Variants in SYK observed in about 807,000 individuals in gnomAD.
SYK encodes the protein spleen associated tyrosine kinase.
SYK carries 16 observed loss-of-function variants against 77.8 expected under a neutral mutation model. The ratio of observed to expected loss-of-function variants is 0.21; its 90% CI spans 0.14 to 0.31. The LOEUF (loss-of-function observed/expected upper bound fraction) is 0.31. SYK is among the 10% of genes least tolerant of loss of function. The pLI, the probability that SYK is intolerant of heterozygous loss-of-function variation, is 1.00. For missense variants in SYK, 529 were observed against 814.4 expected, an observed-to-expected ratio of 0.65 and a Z score of 4.26; for synonymous variants, 312 against 308.7, an observed-to-expected ratio of 1.01 and a Z score of -0.11.
intron 3 of SYK, among the ~76,000 whole-genome samples, chr9:90,853,794 C>T (rs1826910444): frequency 6.6e-6 from 1 of 151,882 alleles, no homozygotes; most frequent in Admixed American, 6.6e-5. Flanking sequence ...ATGGGTGCAG[C>T]ACACCAGCAT....
intron 11 of SYK, 74 bp downstream of exon 11, chr9:90,879,027 T>G: frequency 1.7e-6 from 2 of 1,169,620 alleles, no homozygotes; most frequent in Non-Finnish European, 2.4e-6. Context: ...TTTCTTTATT[T>G]TATTATTGGT....
intron 1 of SYK, among the ~76,000 whole-genome samples, chr9:90,829,045 C>T (rs540217197): frequency 8.5e-5 from 13 of 152,324 alleles, no homozygotes; most frequent in South Asian, 4.1e-4. Flanking sequence ...AATCCCAACA[C>T]TTTGGGATGC....
At position 90,887,733 on chromosome 9, in the gene SYK, T is replaced by A. The variant is rs2126053; in HGVS notation, c.1582-16T>A. ...TTTTATTCTTAATGGAATTTCTCCCTCTGCTTTGCTTTTAGGCCCAGACCC... is the reference window on the plus strand; with the variant it reads ...TTTTATTCTTAATGGAATTTCTCCCACTGCTTTGCTTTTAGGCCCAGACCC... On this transcript the variant is annotated splice_polypyrimidine_tract_variant and intron_variant, in intron 11 of 13. Coordinates refer to ENST00000375754, the MANE Select transcript of SYK (RefSeq NM_003177.7). The A allele has an allele frequency of 0.28, 442,649 of 1,585,734 alleles. 66,234 individuals are homozygous for A. Among genetic ancestry groups the A allele is most frequent in the Middle Eastern group, 0.36 (2,154 of 5,946 alleles).
At chr9:90,866,114 T>G (rs1331344390) in intron 6 of SYK, among the ~76,000 whole-genome samples, 1 of 152,148 alleles carries the variant, frequency 6.6e-6, no homozygotes, top group Non-Finnish European at 1.5e-5. Flanking sequence ...TTAGCCAGGA[T>G]GGTCTCGATC....
At chr9:90,829,631 A>C (rs1825806265) in intron 1 of SYK, among the ~76,000 whole-genome samples, 1 of 152,182 alleles carries the variant, frequency 6.6e-6, no homozygotes, top group African/African-American at 2.4e-5. Context: ...ATTTCTGCCT[A>C]CCTGTTGTCA....
At chr9:90,814,013 C>A (rs1825199024) in intron 1 of SYK, among the ~76,000 whole-genome samples, 1 of 152,152 alleles carries the variant, frequency 6.6e-6, no homozygotes, top group Non-Finnish European at 1.5e-5. Context: ...CAGTTAGAGA[C>A]CATGGCATGG....
intron 4 of SYK, among the ~76,000 whole-genome samples, chr9:90,863,842 T>C (rs986039258): frequency 6.6e-6 from 1 of 152,206 alleles, no homozygotes. Context: ...TTTATGTGTG[T>C]GGCGTTCTGT....
At position 90,845,540 on chromosome 9, in the gene SYK, G is replaced by A. The variant is rs1826557536; in HGVS notation, c.524G>A (p.Arg175Gln). The A allele has an allele frequency of 1.9e-6, 3 of 1,614,150 alleles. No individual in the cohort carries two copies. Among genetic ancestry groups the A allele is most frequent in the Non-Finnish European group, 2.5e-6 (3 of 1,180,016 alleles). ...KMPWFHGKIS[R>Q]EESEQIVLIG... ...CCTTGGTTCCATGGAAAAATCTCTC[G>A]GGAAGAATCTGAGCAAATTGTCCTG... Residue 175 changes from arginine to glutamine, a missense_variant, in exon 3 of 14, where the codon CGG becomes CAG. Physicochemically the swap from Arg to Gln is conservative, Grantham distance 43. This residue lies in a region of SYK where 321 missense variants were observed against 433.1 expected (regional missense o/e 0.74). Coordinates refer to ENST00000375754, the MANE Select transcript of SYK (RefSeq NM_003177.7).
rs1828038053 is a variant in SYK, at chr9:90,878,774, G to C, written c.1402G>C (p.Asp468His). The C allele has an allele frequency of 6.2e-7, 1 of 1,607,924 alleles. No individual in the cohort carries two copies. ...KYLQQNRHVK[D>H]KNIIELVHQV... ...CATTATGACTTTCAGACATGTCAAG[G>C]ATAAGAACATCATAGAACTGGTTCA... Residue 468 changes from aspartate (D) to histidine (H), a missense_variant, in exon 11 of 14, where the codon GAT becomes CAT. This residue lies in a region of SYK where 208 missense variants were observed against 381.3 expected (regional missense o/e 0.55). Transcript: ENST00000375754.
intron 13 of SYK, among the ~76,000 whole-genome samples, chr9:90,889,011 G>A (rs1828686965): frequency 6.6e-6 from 1 of 152,184 alleles, no homozygotes. Context: ...CTGACTCCCT[G>A]ATTACCATGA....
rs1828367500 is a variant in SYK, at chr9:90,884,482, C to CACACACATATGTGTACATGTACAT, written c.1582-3262_1582-3261insCATATGTGTACATGTACATACACA. 6.0e-4 allele frequency among the ~76,000 whole-genome samples: 4 copies of CACACACATATGTGTACATGTACAT among 6,692 alleles called. 2 individuals are homozygous for CACACACATATGTGTACATGTACAT. The highest frequency in any genetic ancestry group is 5.4e-3 in the African/African-American group (4 of 740). 4.4% of individuals were successfully genotyped at this position (6,692 alleles called of 152,430 possible). A position where few individuals can be genotyped will look rare whatever the true frequency, so the allele number is the denominator to read the frequency against. Reference sequence around the variant, plus strand: ...ACATATGTGTGTACATATACATACACACACATACACATATGTGTACATGTA... The same window carrying CACACACATATGTGTACATGTACAT: ...ACATATGTGTGTACATATACATACACACACACATATGTGTACATGTACATACACATACACATATGTGTACATGTA... On this transcript the variant is annotated intron_variant, in intron 11 of 13. Transcript: ENST00000375754.
rs573034764 is a variant in SYK at position 90,851,134 on chromosome 9, C to T, written c.578+5540C>T. ...CCAAGGCAGGAAGGCAAAACCAGGT[C>T]CCTGATGTTGTCTGGGGCTAAGCAG... On this transcript the variant is annotated intron_variant, in intron 3 of 13. Coordinates refer to ENST00000375754, the MANE Select transcript of SYK (RefSeq NM_003177.7). Among the ~76,000 whole-genome samples the T allele has an allele frequency of 3.9e-5, 6 of 152,252 alleles. No homozygotes were observed. In the South Asian group the frequency reaches 1.2e-3, roughly 32 times the overall value.
At chr9:90,842,628 A>G (rs1305759705) in intron 1 of SYK, among the ~76,000 whole-genome samples, 2 of 148,752 alleles carry the variant, frequency 1.3e-5, no homozygotes, top group African/African-American at 2.5e-5. Context: ...TGTGGTATGT[A>G]TGTAGTTTGT....
chr9:90,886,470 C>T (rs1259627101), intron 11 of SYK, among the ~76,000 whole-genome samples: 1 of 152,140 alleles, frequency 6.6e-6, no homozygotes, highest in African/African-American at 2.4e-5. Context: ...TTTTGGAAGC[C>T]CGAGGCAGGC....
At chr9:90,831,575 G>A (rs1825894861) in intron 1 of SYK, among the ~76,000 whole-genome samples, 1 of 152,194 alleles carries the variant, frequency 6.6e-6, no homozygotes, top group Non-Finnish European at 1.5e-5. Context: ...GGAGACGGAA[G>A]GGAAATTACT....
rs548044687 is a variant in SYK, at chr9:90,895,064, G to A, written c.1836-464G>A. Among the ~76,000 whole-genome samples, 2 of 152,212 alleles carry A rather than the reference G, an allele frequency of 1.3e-5. No homozygotes were observed. Among genetic ancestry groups the A allele is most frequent in the Admixed American group, 1.3e-4 (2 of 15,274 alleles). The stretch of plus-strand genomic sequence containing the variant: ...GAAAGGGAGAATTAAAGTTATGTTC[G>A]TATTTCTTCTCTTAACAAGATTATG... On this transcript the variant is annotated intron_variant, in intron 13 of 13. Transcript: ENST00000375754. The surrounding 1 kb of genome is among the most constrained non-coding windows in gnomAD (Gnocchi z 4.4).
intron 10 of SYK, among the ~76,000 whole-genome samples, chr9:90,878,040 G>A (rs1432385755): frequency 2.6e-5 from 4 of 152,146 alleles, no homozygotes; most frequent in South Asian, 4.1e-4. Flanking sequence ...TTCAGTCTTG[G>A]CCTAGTGATA....
At chr9:90,815,937 T>A (rs768099002) in intron 1 of SYK, among the ~76,000 whole-genome samples, 34 of 152,334 alleles carry the variant, frequency 2.2e-4, no homozygotes, top group Non-Finnish European at 4.0e-4. Context: ...TGCTAAGCTC[T>A]CTAGAGAGCT....
chr9:90,807,553 A>G (rs1824885189), intron 1 of SYK, among the ~76,000 whole-genome samples: 1 of 152,110 alleles, frequency 6.6e-6, no homozygotes, highest in African/African-American at 2.4e-5. Flanking sequence ...GTTAAAACTG[A>G]CATAACTGTC....
Sources: allele counts gnomAD v4.1 joint callset (sites outside exome capture counted in the v4.1 genomes callset), GRCh38; gene constraint gnomAD v4.1.1; regional missense constraint gnomAD v4.1.1; non-coding constraint Gnocchi (gnomAD v3.1); transcripts MANE v1.5; gene names NCBI Gene and HGNC (gene_info 2026-07-23, HGNC 2026-07-21).